The following AKAP13 variants were observed in gnomAD, a reference collection of about 807,000 sequenced individuals.
The protein encoded by AKAP13 is A-kinase anchor protein 13.
AKAP13 carries 80 observed loss-of-function variants against 264.5 expected under a neutral mutation model. The observed-to-expected ratio is 0.30, with a 90% CI of 0.25 to 0.36. AKAP13 has a LOEUF of 0.36. AKAP13 is among the 10% of genes least tolerant of loss of function. AKAP13 has a pLI of 1.00. For synonymous variants in AKAP13, 1,380 were observed against 1,250.2 expected (o/e 1.10, Z -2.19); for missense variants, 3,712 against 3,435.2 (o/e 1.08, Z -2.01).
chr15:85,406,315 A>G (rs918457405), intron 1 of AKAP13, among the ~76,000 whole-genome samples: 2 of 151,896 alleles, frequency 1.3e-5, no homozygotes. Flanking sequence ...TAAAATTCCC[A>G]TGACATTGTA....
At chr15:85,555,159 A>G (rs16941349) in intron 5 of AKAP13, among the ~76,000 whole-genome samples, 103,005 of 151,886 alleles carry the variant, frequency 0.68, 34,981 homozygotes, top group Middle Eastern at 0.79. Flanking sequence ...GGATAGCTAA[A>G]ATACATCATT....
At chr15:85,678,697 A>G (rs1296723182) in intron 14 of AKAP13, among the ~76,000 whole-genome samples, 2 of 151,958 alleles carry the variant, frequency 1.3e-5, no homozygotes, top group African/African-American at 4.8e-5. Context: ...CCATGTCTCT[A>G]CTAAAACAAA....
chr15:85,747,320 A>T lies in AKAP13; in HGVS notation c.*2643A>T, dbSNP rs575014466. 1 of 152,332 alleles carries T rather than the reference A, an allele frequency of 6.6e-6. No individual in the cohort carries two copies. The highest frequency in any genetic ancestry group is 2.4e-5 in the African/African-American group (1 of 41,404). The allele number at this position is 152,332 out of a possible 1,614,324, so 9.4% of individuals were successfully genotyped here. ...ATGGTGGCTGCCTGTGCTTTTGCTC[A>T]TGGCCTTGACAGTGCTCTAGTTGCT... On this transcript the variant is annotated 3_prime_UTR_variant, in exon 37 of 37. Transcript: ENST00000394518.
chr15:85,485,094 T>C (rs2075490577), intron 1 of AKAP13, among the ~76,000 whole-genome samples: 1 of 152,232 alleles, frequency 6.6e-6, no homozygotes, highest in African/African-American at 2.4e-5. Flanking sequence ...ATTCTTAATG[T>C]TCAGGAATTC....
intron 5 of AKAP13, among the ~76,000 whole-genome samples, chr15:85,569,738 A>G (rs2078743773): frequency 6.6e-6 from 1 of 152,034 alleles, no homozygotes; most frequent in African/African-American, 2.4e-5. Context: ...GCCCAGCCAG[A>G]TCAACATTTT....
intron 15 of AKAP13, 168 bp from the exon 16 acceptor site, chr15:85,684,573 A>G (rs1464934803): frequency 3.2e-6 from 2 of 630,044 alleles, no homozygotes; most frequent in African/African-American, 3.7e-5. Flanking sequence ...AGAAAACATT[A>G]GTGACGGATC....
intron 2 of AKAP13, among the ~76,000 whole-genome samples, chr15:85,502,186 G>A (rs562637817): frequency 5.9e-5 from 9 of 152,308 alleles, no homozygotes; most frequent in Admixed American, 5.2e-4. Flanking sequence ...GAAAGTGTAT[G>A]TGCTTAGGAG....
chr15:85,525,693 T>C (rs538155259), intron 3 of AKAP13, among the ~76,000 whole-genome samples: 3 of 152,334 alleles, frequency 2.0e-5, no homozygotes, highest in African/African-American at 7.2e-5. Flanking sequence ...CTAAATGACA[T>C]TTTAATTAAC....
chr15:85,646,213 G>C (rs767193145), intron 10 of AKAP13, among the ~76,000 whole-genome samples: 6 of 152,174 alleles, frequency 3.9e-5, no homozygotes, highest in Non-Finnish European at 8.8e-5. Context: ...GGTGGCTCAC[G>C]CCTGTAATCC....
chr15:85,748,324 C>T lies in AKAP13; in HGVS notation c.*3647C>T, dbSNP rs2089428193. The T allele has an allele frequency of 6.6e-6, 1 of 152,194 alleles. No homozygotes were observed. The highest frequency in any genetic ancestry group is 2.1e-4 in the South Asian group (1 of 4,818). 9.4% of individuals were successfully genotyped at this position (152,194 alleles called of 1,614,324 possible). A position where few individuals can be genotyped will look rare whatever the true frequency, so the allele number is the denominator to read the frequency against. On this transcript the variant is annotated 3_prime_UTR_variant, in exon 37 of 37. Coordinates refer to ENST00000394518, the MANE Select transcript of AKAP13 (RefSeq NM_007200.5). Reference sequence around the variant, plus strand: ...CCAGACACTGCAGAACGATGTGCACCCTCTGCGTTTTGGATGTCCTTGGAA... The same window carrying T: ...CCAGACACTGCAGAACGATGTGCACTCTCTGCGTTTTGGATGTCCTTGGAA...
Position 85,581,095 on chromosome 15 carries a change from T to C in AKAP13, c.3027T>C (p.Thr1009=), listed in dbSNP as rs749979101. The change falls in exon 7 of 37, where the codon ACT becomes ACC. Residue 1009 remains threonine (T), a synonymous_variant. Coordinates refer to ENST00000394518, the MANE Select transcript of AKAP13 (RefSeq NM_007200.5). ...KEVAPQVSLL[T]QGGAAQSLVP... is the part of the protein sequence containing the mutation. ...TGGCCCCACAAGTCTCACTGCTGAC[T>C]CAAGGTGGGGCTGCCCAGAGCCTGG... The C allele has an allele frequency of 6.2e-7, 1 of 1,614,028 alleles. No individual in the cohort carries two copies. Among genetic ancestry groups the C allele is most frequent in the Middle Eastern group, 1.7e-4 (1 of 6,056 alleles).
chr15:85,717,168 C>T, intron 20 of AKAP13, 122 bp from the exon 21 acceptor site: 1 of 590,180 alleles, frequency 1.7e-6, no homozygotes, highest in Non-Finnish European at 2.9e-6. Flanking sequence ...AGCAATTTGT[C>T]TTCAGTCACT....
chr15:85,491,474 A>G (rs574444566), intron 2 of AKAP13, among the ~76,000 whole-genome samples: 3 of 118,728 alleles, frequency 2.5e-5, no homozygotes, highest in Non-Finnish European at 5.6e-5. Context: ...TGAATTGAGG[A>G]ATATGTATAT....
chr15:85,660,803 T>G (rs1751081380), intron 12 of AKAP13, among the ~76,000 whole-genome samples: 1 of 152,196 alleles, frequency 6.6e-6, no homozygotes, highest in African/African-American at 2.4e-5. Flanking sequence ...ATACCACTAA[T>G]TTAATCTGAT....
At chr15:85,480,015 G>A (rs145249790) in intron 1 of AKAP13, among the ~76,000 whole-genome samples, 99 of 152,190 alleles carry the variant, frequency 6.5e-4, no homozygotes, top group African/African-American at 2.4e-3. Flanking sequence ...AATGACAAGG[G>A]ACTTTAAAAC....
At chr15:85,548,484 C>T (rs1037758570) in intron 5 of AKAP13, among the ~76,000 whole-genome samples, 8 of 152,128 alleles carry the variant, frequency 5.3e-5, no homozygotes, top group East Asian at 1.9e-4. Flanking sequence ...TCTAAGCTTG[C>T]CTACTTAGTA....
At chr15:85,741,729 C>CA (rs112524984) in intron 35 of AKAP13, among the ~76,000 whole-genome samples, 2,161 of 82,222 alleles carry the variant, frequency 0.026, 66 homozygotes, top group African/African-American at 0.061. Context: ...AACAAACAAA[C>CA]AAAAAAAAAA....
chr15:85,620,978 G>A (rs1213478618), intron 8 of AKAP13, among the ~76,000 whole-genome samples: 1 of 152,148 alleles, frequency 6.6e-6, no homozygotes. Flanking sequence ...GCAAAGGCAG[G>A]GGAAATTGGA....
At chr15:85,476,665 C>T (rs750957586) in intron 1 of AKAP13, among the ~76,000 whole-genome samples, 1 of 152,142 alleles carries the variant, frequency 6.6e-6, no homozygotes, top group Non-Finnish European at 1.5e-5. Flanking sequence ...CAACTCAATT[C>T]TAGGTCTTTT....
Sources: gnomAD v4.1 joint callset for allele counts (sites outside exome capture counted in the v4.1 genomes callset) on GRCh38, gnomAD v4.1.1 for gene constraint, MANE v1.5 for transcripts, NCBI Gene and HGNC (gene_info 2026-07-23, HGNC 2026-07-21) for gene names.